The following SEC24B variants were observed in gnomAD, a reference collection of about 807,000 sequenced individuals.
SEC24B encodes SEC24 homolog B, COPII component.
SEC24B carries 45 observed loss-of-function variants against 142.8 expected under a neutral mutation model. The ratio of observed to expected loss-of-function variants is 0.32; its 90% CI spans 0.25 to 0.40. The LOEUF is 0.40. Among genes scored for constraint, SEC24B ranks in the 10% least tolerant of loss-of-function variants. The pLI is 1.00. For synonymous variants in SEC24B, 574 were observed against 568.2 expected (o/e 1.01, Z -0.15); for missense variants, 1,409 against 1,526.8 (o/e 0.92, Z 1.29).
chr4:109,535,711 G>T (rs1259648352), intron 22 of SEC24B, among the ~76,000 whole-genome samples: 1 of 152,170 alleles, frequency 6.6e-6, no homozygotes, highest in East Asian at 1.9e-4. Context: ...AATTAGCTGG[G>T]CGTGGTGGCA....
chr4:109,466,173 C>T (rs79119114), intron 2 of SEC24B, among the ~76,000 whole-genome samples: 5,637 of 152,098 alleles, frequency 0.037, 119 homozygotes, highest in East Asian at 0.047. Flanking sequence ...AGTAGTAGTT[C>T]GTAAGGTATC....
rs563728399 is a variant in SEC24B at position 109,529,523 on chromosome 4, T to C, written c.3077-766T>C. 2.0e-5 allele frequency among the ~76,000 whole-genome samples: 3 copies of C among 152,302 alleles called. No homozygotes were observed. In the East Asian group the frequency reaches 5.8e-4, roughly 29 times the overall value. On this transcript the variant is annotated intron_variant, in intron 18 of 23. Transcript: ENST00000265175. ...GTGTCTTAATGGCTGCATGAAAACT[T>C]GTGTTTATTTTTCCCTTTCAAAAAA...
intron 20 of SEC24B, among the ~76,000 whole-genome samples, chr4:109,532,162 T>G (rs1010324372): frequency 6.6e-6 from 1 of 152,280 alleles, no homozygotes; most frequent in Middle Eastern, 3.4e-3. Context: ...TGGCCAATAT[T>G]GACTGCTTTT....
At chr4:109,436,656 C>G (rs1303704679) in intron 1 of SEC24B, among the ~76,000 whole-genome samples, 1 of 152,214 alleles carries the variant, frequency 6.6e-6, no homozygotes, top group African/African-American at 2.4e-5. Context: ...TAGGATGGGT[C>G]TCCTAGACAG....
intron 2 of SEC24B, among the ~76,000 whole-genome samples, chr4:109,472,267 G>C (rs1215150321): frequency 6.6e-6 from 1 of 152,054 alleles, no homozygotes; most frequent in Non-Finnish European, 1.5e-5. Context: ...TTTGCCATAG[G>C]TTTTTCAGTT....
At chr4:109,482,396 A>G (rs186078020) in intron 4 of SEC24B, among the ~76,000 whole-genome samples, 2 of 152,304 alleles carry the variant, frequency 1.3e-5, no homozygotes, top group East Asian at 3.9e-4. Flanking sequence ...CACTGCTAAA[A>G]AATTAAGCAG....
chr4:109,472,018 A>C (rs982165401), intron 2 of SEC24B, among the ~76,000 whole-genome samples: 2 of 152,196 alleles, frequency 1.3e-5, no homozygotes, highest in African/African-American at 4.8e-5. Flanking sequence ...AAAATGATGA[A>C]ACAGTCAGCA....
intron 4 of SEC24B, among the ~76,000 whole-genome samples, chr4:109,485,143 A>G (rs1734218995): frequency 6.6e-6 from 1 of 152,226 alleles, no homozygotes; most frequent in South Asian, 2.1e-4. Context: ...AGGATTGAAG[A>G]TACTGTTTGT....
chr4:109,513,662 A>T, intron 9 of SEC24B, 85 bp from the exon 10 acceptor site: 1 of 762,054 alleles, frequency 1.3e-6, no homozygotes, highest in Non-Finnish European at 2.3e-6. Flanking sequence ...GTAAATATTG[A>T]TAATAGATAT....
rs375740410 is a variant in SEC24B at position 109,491,306 on chromosome 4, A to G, written c.1166-21A>G. 41 of 1,580,898 alleles carry G rather than the reference A, an allele frequency of 2.6e-5. No homozygotes were observed. In the African/African-American group the frequency reaches 4.4e-4, roughly 17 times the overall value. Reference sequence around the variant, plus strand: ...TACTTTGTCATTTTAAACCTAGTAGATATTTTGGTTTTCCTTTTAGGTGTT... The same window carrying G: ...TACTTTGTCATTTTAAACCTAGTAGGTATTTTGGTTTTCCTTTTAGGTGTT... On this transcript the variant is annotated intron_variant, in intron 4 of 23. Transcript: ENST00000265175.
chr4:109,498,230 T>A (rs1735728088), intron 6 of SEC24B, among the ~76,000 whole-genome samples: 1 of 152,214 alleles, frequency 6.6e-6, no homozygotes, highest in African/African-American at 2.4e-5. Flanking sequence ...TGAACACTAC[T>A]GTTTTAGGGT....
rs142543492 is a variant in SEC24B, at chr4:109,509,155, C to T, written c.1674-854C>T. On this transcript the variant is annotated intron_variant, in intron 7 of 23. Coordinates refer to ENST00000265175, the MANE Select transcript of SEC24B (RefSeq NM_006323.5). ...TGAGAGAGTAAGCCACATGACTTCT[C>T]TGGGAATAAAAGGGTTCCAACCTGC... 3.4e-4 allele frequency among the ~76,000 whole-genome samples: 52 copies of T among 152,190 alleles called. 2 individuals are homozygous for T. Among genetic ancestry groups the T allele is most frequent in the African/African-American group, 1.2e-3 (49 of 41,526 alleles).
chr4:109,455,538 G>A (rs1322839873), intron 1 of SEC24B, among the ~76,000 whole-genome samples: 1 of 152,174 alleles, frequency 6.6e-6, no homozygotes, highest in Non-Finnish European at 1.5e-5. Context: ...ACCACACCCG[G>A]CCTGTGATTC....
chr4:109,473,118 C>T lies in SEC24B; in HGVS notation c.992C>T (p.Pro331Leu), dbSNP rs1732706351. The part of the protein sequence containing the change: ...SSGSSSTRTP[P>L]TANHPVEPVT... Reference sequence around the variant, plus strand: ...GGATCCTCATCAACAAGAACACCTCCCACTGCAAATCACCCAGTTGAGCCT... The same window carrying T: ...GGATCCTCATCAACAAGAACACCTCTCACTGCAAATCACCCAGTTGAGCCT... Residue 331 changes from proline to leucine, a missense_variant, in exon 3 of 24, where the codon CCC (proline) becomes CTC (leucine). Physicochemically the swap from Pro to Leu is moderately conservative, Grantham distance 98 (BLOSUM62 -3). Transcript: ENST00000265175. 6.3e-7 allele frequency: 1 copy of T among 1,599,858 alleles called. No individual in the cohort carries two copies. The highest frequency in any genetic ancestry group is 8.5e-7 in the Non-Finnish European group (1 of 1,173,340).
intron 3 of SEC24B, among the ~76,000 whole-genome samples, chr4:109,474,029 TC>T (rs1732810489): frequency 6.6e-6 from 1 of 152,178 alleles, no homozygotes. Flanking sequence ...CATGATAAAT[TC>T]CTAGGGTGAT....
intron 10 of SEC24B, among the ~76,000 whole-genome samples, chr4:109,515,777 C>T (rs1362682668): frequency 6.6e-5 from 10 of 152,172 alleles, no homozygotes; most frequent in African/African-American, 2.4e-4. Context: ...CAGTGGCTCA[C>T]ACCAGTAATC....
chr4:109,474,424 G>GT (rs71594186), intron 3 of SEC24B, among the ~76,000 whole-genome samples: 14,592 of 130,028 alleles, frequency 0.11, 874 homozygotes, highest in South Asian at 0.19. Context: ...TCTTCCTATT[G>GT]TTTTTTTTTT....
At chr4:109,503,550 G>A (rs1319540321) in intron 6 of SEC24B, among the ~76,000 whole-genome samples, 3 of 151,938 alleles carry the variant, frequency 2.0e-5, no homozygotes, top group Non-Finnish European at 1.5e-5. Flanking sequence ...AGTAGAGATA[G>A]GGTTTCAACA....
chr4:109,501,723 C>T (rs1186182152), intron 6 of SEC24B, among the ~76,000 whole-genome samples: 1 of 152,152 alleles, frequency 6.6e-6, no homozygotes, highest in Non-Finnish European at 1.5e-5. Flanking sequence ...CTACCTGCTT[C>T]GGCCTCCCAA....
Sources: gnomAD v4.1 joint callset for allele counts (sites outside exome capture counted in the v4.1 genomes callset) on GRCh38, gnomAD v4.1.1 for gene constraint, MANE v1.5 for transcripts, NCBI Gene and HGNC (gene_info 2026-07-23, HGNC 2026-07-21) for gene names.